The following TSC1 variants were observed in gnomAD, a reference collection of about 807,000 sequenced individuals.
The protein encoded by TSC1 is hamartin.
A neutral mutation model predicts 124.3 loss-of-function variants in TSC1; 20 were observed. That is an observed-to-expected ratio of 0.16 (90% CI 0.11 to 0.23). The LOEUF is 0.23. TSC1 is among the 10% of genes least tolerant of loss of function. TSC1 has a pLI of 1.00. For synonymous variants in TSC1, 493 were observed against 539.1 expected (o/e 0.91, Z 1.19); for missense variants, 1,124 against 1,448.5 (o/e 0.78, Z 3.64).
chr9:132,917,648 T>A (rs10751498), intron 8 of TSC1, among the ~76,000 whole-genome samples: 88,320 of 151,176 alleles, frequency 0.58, 26,126 homozygotes, highest in South Asian at 0.71. Flanking sequence ...TAAAAAAAAA[T>A]TTTTTTTAAT....
intron 3 of TSC1, among the ~76,000 whole-genome samples, chr9:132,928,350 T>C (rs1847003317): frequency 6.6e-6 from 1 of 152,358 alleles, no homozygotes; most frequent in East Asian, 1.9e-4. Context: ...ACAGTGCCCA[T>C]TTCTATATTC....
chr9:132,894,213 C>T lies in TSC1; in HGVS notation c.*2022G>A, dbSNP rs568052856. 6.0e-5 allele frequency: 14 copies of T among 232,718 alleles called. No individual in the cohort carries two copies. Among genetic ancestry groups the T allele is most frequent in the Non-Finnish European group, 1.0e-4 (12 of 117,690 alleles). 14.4% of individuals were successfully genotyped at this position (232,718 alleles called of 1,614,324 possible). On this transcript the variant is annotated 3_prime_UTR_variant, in exon 23 of 23. Coordinates refer to ENST00000298552, the MANE Select transcript of TSC1 (RefSeq NM_000368.5). Reference sequence around the variant, plus strand: ...CTTCCCTTTATTTTTATAAGCTGTCCGTTTCTAAAATGTTTTTTCTTTTGC... The same window carrying T: ...CTTCCCTTTATTTTTATAAGCTGTCTGTTTCTAAAATGTTTTTTCTTTTGC...
intron 8 of TSC1, among the ~76,000 whole-genome samples, chr9:132,917,992 C>T (rs913684282): frequency 6.6e-6 from 1 of 152,134 alleles, no homozygotes; most frequent in African/African-American, 2.4e-5. Context: ...ACTGTTAAAA[C>T]CTTCTTCCAA....
chr9:132,901,490 A>C (rs1014578466), intron 19 of TSC1, 99 bp downstream of exon 19: 1 of 1,127,870 alleles, frequency 8.9e-7, no homozygotes, highest in Non-Finnish European at 1.3e-6. Flanking sequence ...GGAACCCATG[A>C]CACAGACACT....
At chr9:132,924,561 A>G (rs1038345283) in intron 5 of TSC1, among the ~76,000 whole-genome samples, 1 of 152,196 alleles carries the variant, frequency 6.6e-6, no homozygotes, top group Non-Finnish European at 1.5e-5. Context: ...GTGTTTTGCA[A>G]TCTGAACTAA....
intron 8 of TSC1, among the ~76,000 whole-genome samples, chr9:132,915,485 A>C (rs1846228024): frequency 6.6e-6 from 1 of 152,236 alleles, no homozygotes; most frequent in Non-Finnish European, 1.5e-5. Context: ...TTATTCTTTC[A>C]ACTCTTCAGT....
chr9:132,919,546 C>T (rs1250101014), intron 8 of TSC1, among the ~76,000 whole-genome samples: 2 of 152,206 alleles, frequency 1.3e-5, no homozygotes. Context: ...CTTCAAATTA[C>T]TGAATGCCTT....
At chr9:132,912,538 CCACGG>C in intron 8 of TSC1, 81 bp from the exon 9 acceptor site, 1 of 1,531,772 alleles carries the variant, frequency 6.5e-7, no homozygotes, top group Non-Finnish European at 9.0e-7. Context: ...TCAGTGCCAG[CCACGG>C]AACTCTGATA....
rs1293903663 is a variant in TSC1, at chr9:132,902,091, C to T, written c.2392-392G>A. 3 of 241,976 alleles carry T rather than the reference C, an allele frequency of 1.2e-5. No individual in the cohort carries two copies. The highest frequency in any genetic ancestry group is 2.4e-5 in the Non-Finnish European group (3 of 122,570). The allele number at this position is 241,976 out of a possible 1,614,324, so 15.0% of individuals were successfully genotyped here. ...TCTGTGGATGACGTCTTTGTGAAGC[C>T]GGGTTTTTTTGGGTGCAGTGATACA... On this transcript the variant is annotated intron_variant, in intron 18 of 22. Coordinates refer to ENST00000298552, the MANE Select transcript of TSC1 (RefSeq NM_000368.5). This position sits in a 1 kb window ranked among gnomAD's most constrained non-coding sequence, Gnocchi z 5.2.
intron 1 of TSC1, chr9:132,941,106 C>T (rs1847714733): frequency 6.6e-6 from 1 of 152,178 alleles, no homozygotes; most frequent in Non-Finnish European, 1.5e-5. Flanking sequence ...GCAGTAACTA[C>T]TATGCTTTAT....
At position 132,894,315 on chromosome 9, in the gene TSC1, T is replaced by C. The variant is rs1588281853; in HGVS notation, c.*1920A>G. On this transcript the variant is annotated 3_prime_UTR_variant, in exon 23 of 23. Coordinates refer to ENST00000298552, the MANE Select transcript of TSC1 (RefSeq NM_000368.5). ...ATCTTGTTCTATGGCACAGATCTCTTGGGCATGAGGAGAAGGAAAGCACTT... is the reference window on the plus strand; with the variant it reads ...ATCTTGTTCTATGGCACAGATCTCTCGGGCATGAGGAGAAGGAAAGCACTT... 1 of 231,396 alleles carries C rather than the reference T, an allele frequency of 4.3e-6. No homozygotes were observed. Among genetic ancestry groups the C allele is most frequent in the Non-Finnish European group, 8.6e-6 (1 of 116,658 alleles). 14.3% of individuals were successfully genotyped at this position (231,396 alleles called of 1,614,324 possible).
Position 132,896,306 on chromosome 9 carries a change from G to GA in TSC1, c.3423dup (p.Pro1142SerfsTer17). The GA allele has an allele frequency of 6.2e-7, 1 of 1,614,192 alleles. No homozygotes were observed. Among genetic ancestry groups the GA allele is most frequent in the Non-Finnish European group, 8.5e-7 (1 of 1,180,038 alleles). ...TGTCCAACACTGTCCGGGGTCGGGG[G>GA]AGACGGGTGAGGGCCATCTAGGTTC... On this transcript the variant is annotated frameshift_variant, in exon 23 of 23. Coordinates refer to ENST00000298552, the MANE Select transcript of TSC1 (RefSeq NM_000368.5). LOFTEE classifies it high-confidence loss of function. This position sits in a 1 kb window ranked among gnomAD's most constrained non-coding sequence, Gnocchi z 4.5.
chr9:132,904,541 CA>C, intron 15 of TSC1, 87 bp from the exon 16 acceptor site: 1 of 1,344,672 alleles, frequency 7.4e-7, no homozygotes, highest in Non-Finnish European at 1.1e-6. Flanking sequence ...AAAGTTAGAT[CA>C]CTTCCTTGTG....
intron 6 of TSC1, among the ~76,000 whole-genome samples, chr9:132,922,647 G>T (rs1483811106): frequency 6.6e-6 from 1 of 152,206 alleles, no homozygotes; most frequent in East Asian, 1.9e-4. Context: ...ATAATGGACA[G>T]ACCATTCCTT....
Position 132,906,053 on chromosome 9 carries a change from G to T in TSC1, c.1525C>A (p.Arg509=), listed in dbSNP as rs118203542. Residue 509 remains arginine, a synonymous_variant, in exon 15 of 23, where the codon CGA becomes AGA. Coordinates refer to ENST00000298552, the MANE Select transcript of TSC1 (RefSeq NM_000368.5). The surrounding 1 kb of genome is among the most constrained non-coding windows in gnomAD (Gnocchi z 4.1). ...PRGGFDSPFY[R]DSLPGSQRKT... ...CGCTGAGAACCTGGGAGACTGTCTC[G>T]GTAAAAGGGAGAGTCAAAGCCTCCT... 1 of 1,614,096 alleles carries T rather than the reference G, an allele frequency of 6.2e-7. No homozygotes were observed. Among genetic ancestry groups the T allele is most frequent in the Non-Finnish European group, 8.5e-7 (1 of 1,180,012 alleles).
chr9:132,900,556 T>C, intron 20 of TSC1, 159 bp downstream of exon 20: 1 of 1,204,816 alleles, frequency 8.3e-7, no homozygotes, highest in Non-Finnish European at 1.2e-6. Flanking sequence ...ACATGGTGGC[T>C]GGAAAGTGCT....
chr9:132,932,810 G>A lies in TSC1; in HGVS notation c.-81+2223C>T, dbSNP rs535206632. Among the ~76,000 whole-genome samples the A allele has an allele frequency of 2.6e-4, 39 of 152,252 alleles. 1 individual carries two copies. In the Middle Eastern group the frequency reaches 0.02, roughly 80 times the overall value. ...ACATCCTTGCACAGCTGACGGTCTC[G>A]CAGATATCTGATGGGCCTCCCCTGA... On this transcript the variant is annotated intron_variant, in intron 2 of 22. Coordinates refer to ENST00000298552, the MANE Select transcript of TSC1 (RefSeq NM_000368.5).
chr9:132,913,902 T>G lies in TSC1; in HGVS notation c.738-1445A>C, dbSNP rs1460345420. On this transcript the variant is annotated intron_variant, in intron 8 of 22. Transcript: ENST00000298552. ...TTTTGTTTTGTTTTGTTTTTTTTTT[T>G]TTTTTTTTTTTTTTTAGACAGAGTC... 2.1e-3 allele frequency among the ~76,000 whole-genome samples: 290 copies of G among 137,436 alleles called. 5 individuals are homozygous for G. Among genetic ancestry groups the G allele is most frequent in the South Asian group, 6.7e-3 (28 of 4,184 alleles). 90.2% of individuals were successfully genotyped at this position (137,436 alleles called of 152,430 possible).
In TSC1 at chr9:132,901,713, C is replaced by T. The variant is rs1057524717; in HGVS notation, c.2392-14G>A. 1.2e-5 allele frequency: 19 copies of T among 1,612,960 alleles called. No individual in the cohort carries two copies. The highest frequency in any genetic ancestry group is 1.5e-5 in the Non-Finnish European group (18 of 1,179,700). ...CTCCAGCTTCGTCTGCCCAAAGAGA[C>T]GTGGACATGAAGTTTGAGGAACACC... On this transcript the variant is annotated splice_polypyrimidine_tract_variant and intron_variant, in intron 18 of 22. Coordinates refer to ENST00000298552, the MANE Select transcript of TSC1 (RefSeq NM_000368.5).
Sources: allele counts gnomAD v4.1 joint callset (sites outside exome capture counted in the v4.1 genomes callset), GRCh38; gene constraint gnomAD v4.1.1; non-coding constraint Gnocchi (gnomAD v3.1); transcripts MANE v1.5; gene names NCBI Gene and HGNC (gene_info 2026-07-23, HGNC 2026-07-21).